ZC3H14: variants seen among roughly 807,000 people sequenced by gnomAD.
ZC3H14 encodes zinc finger CCCH domain-containing protein 14.
Under a neutral mutation model 92.4 loss-of-function variants are expected in ZC3H14, and 31 were observed. That is an observed-to-expected ratio of 0.34 (90% CI 0.25 to 0.45). The LOEUF (loss-of-function observed/expected upper bound fraction) is 0.45. Among genes scored for constraint, ZC3H14 ranks in the 20% least tolerant of loss-of-function variants. ZC3H14 has a pLI of 1.00. For missense variants in ZC3H14, 781 were observed against 897.3 expected (o/e 0.87, Z 1.66); for synonymous variants, 321 against 300.9 (o/e 1.07, Z -0.69).
At position 88,609,703 on chromosome 14, in the gene ZC3H14, T is replaced by C. The variant is rs1357148894; in HGVS notation, c.2006-9T>C. On this transcript the variant is annotated splice_polypyrimidine_tract_variant and intron_variant, in intron 14 of 16. Coordinates refer to ENST00000251038, the MANE Select transcript of ZC3H14 (RefSeq NM_024824.5). ...GATTGGAGATCAGTCCTGGTTTTTATTTTGTTAGCAGTTGCACCACCAGCA... is the reference window on the plus strand; with the variant it reads ...GATTGGAGATCAGTCCTGGTTTTTACTTTGTTAGCAGTTGCACCACCAGCA... The C allele has an allele frequency of 6.2e-7, 1 of 1,614,154 alleles. No homozygotes were observed. Among genetic ancestry groups the C allele is most frequent in the South Asian group, 1.1e-5 (1 of 91,090 alleles).
At position 88,622,655 on chromosome 14, in the gene ZC3H14, C is replaced by G. The variant is rs1459386697; in HGVS notation, c.*10904C>G. Reference sequence around the variant, plus strand: ...AATCTGTGGCTTGTCCTGTCTCAAGCCTGAAGGCACGGCACCGCCTCAGTT... The same window carrying G: ...AATCTGTGGCTTGTCCTGTCTCAAGGCTGAAGGCACGGCACCGCCTCAGTT... On this transcript the variant is annotated 3_prime_UTR_variant, in exon 17 of 17. Coordinates refer to ENST00000251038, the MANE Select transcript of ZC3H14 (RefSeq NM_024824.5). 6.2e-7 allele frequency: 1 copy of G among 1,611,700 alleles called. No individual in the cohort carries two copies. Among genetic ancestry groups the G allele is most frequent in the Non-Finnish European group, 8.5e-7 (1 of 1,178,840 alleles).
intron 15 of ZC3H14, 81 bp downstream of exon 15, chr14:88,609,884 T>C: frequency 6.9e-7 from 1 of 1,440,932 alleles, no homozygotes; most frequent in South Asian, 1.2e-5. Context: ...TCAGAGTTAC[T>C]ACATTGGTGC....
At chr14:88,564,835 A>G (rs1417514290) in intron 2 of ZC3H14, among the ~76,000 whole-genome samples, 2 of 152,240 alleles carry the variant, frequency 1.3e-5, no homozygotes, top group South Asian at 2.1e-4. Context: ...TTTTTATTGT[A>G]TACTGAAATA....
At chr14:88,603,860 C>A (rs1162300250) in intron 12 of ZC3H14, among the ~76,000 whole-genome samples, 1 of 152,124 alleles carries the variant, frequency 6.6e-6, no homozygotes, top group African/African-American at 2.4e-5. Context: ...ATACCTTTCT[C>A]GATCATTAAA....
intron 10 of ZC3H14, among the ~76,000 whole-genome samples, chr14:88,599,997 C>T (rs909639473): frequency 1.3e-5 from 2 of 152,202 alleles, no homozygotes; most frequent in Non-Finnish European, 2.9e-5. Context: ...ACTTCTGTCA[C>T]CTTCGGTTTT....
At chr14:88,596,418 G>A (rs2083828179) in intron 9 of ZC3H14, among the ~76,000 whole-genome samples, 1 of 152,278 alleles carries the variant, frequency 6.6e-6, no homozygotes, top group Non-Finnish European at 1.5e-5. Flanking sequence ...GGGCCACAAG[G>A]TGCCTTTTCC....
chr14:88,605,000 T>C (rs1440003105), intron 12 of ZC3H14, among the ~76,000 whole-genome samples: 1 of 152,264 alleles, frequency 6.6e-6, no homozygotes, highest in East Asian at 1.9e-4. Context: ...ATGACCTTCG[T>C]ATGACTTAAT....
In ZC3H14 at chr14:88,563,873, C is replaced by T. The variant is rs186117839; in HGVS notation, c.79+180C>T. Among the ~76,000 whole-genome samples, 6 of 152,154 alleles carry T rather than the reference C, an allele frequency of 3.9e-5. No homozygotes were observed. In the East Asian group the frequency reaches 9.7e-4, roughly 25 times the overall value. On this transcript the variant is annotated intron_variant, in intron 2 of 16. Coordinates refer to ENST00000251038, the MANE Select transcript of ZC3H14 (RefSeq NM_024824.5). ...CTTTTTGCAACCTTGTTTTTTTTCTCCCAAACCTCCTTCTGTTATGGTGTT... is the reference window on the plus strand; with the variant it reads ...CTTTTTGCAACCTTGTTTTTTTTCTTCCAAACCTCCTTCTGTTATGGTGTT...
chr14:88,593,590 A>G (rs148583460), intron 9 of ZC3H14, among the ~76,000 whole-genome samples: 156 of 152,310 alleles, frequency 1.0e-3, no homozygotes, highest in African/African-American at 3.1e-3. Context: ...CAACCCATCA[A>G]TTTTTGGCAG....
chr14:88,570,448 A>G (rs2080240126), intron 3 of ZC3H14, among the ~76,000 whole-genome samples: 2 of 152,352 alleles, frequency 1.3e-5, no homozygotes, highest in South Asian at 2.1e-4. Flanking sequence ...ATAGAGTGAA[A>G]TGATATAGCA....
rs1595497923 is a variant in ZC3H14 at position 88,568,736 on chromosome 14, TG to T, written c.194+585del. ...TGCCTTGGTTTCTCTAGCTATAAAA[TG>T]GAAATAGTACAGCCACTTGCTTTAT... On this transcript the variant is annotated intron_variant, in intron 3 of 16. Transcript: ENST00000251038. 2.0e-5 allele frequency among the ~76,000 whole-genome samples: 3 copies of T among 152,164 alleles called. No individual in the cohort carries two copies. The East Asian group carries it at 5.8e-4, about 29-fold the overall frequency.
At chr14:88,570,992 C>A in intron 3 of ZC3H14, 92 bp from the exon 4 acceptor site, 1 of 1,009,492 alleles carries the variant, frequency 9.9e-7, no homozygotes, top group Non-Finnish European at 1.4e-6. Flanking sequence ...AAAAAATTAT[C>A]TCTGAATATA....
intron 13 of ZC3H14, chr14:88,608,995 T>A (rs2086090569): frequency 2.2e-6 from 1 of 446,570 alleles, no homozygotes; most frequent in Non-Finnish European, 4.1e-6. Flanking sequence ...ATACCTTTTT[T>A]ATTAAGTGGT....
intron 2 of ZC3H14, among the ~76,000 whole-genome samples, chr14:88,566,802 C>A (rs2079691648): frequency 6.6e-6 from 1 of 151,956 alleles, no homozygotes; most frequent in Non-Finnish European, 1.5e-5. Flanking sequence ...TGCCTGTAAT[C>A]CCAGCTACTC....
At chr14:88,609,691 T>G in intron 14 of ZC3H14, 21 bp from the exon 15 acceptor site, 1 of 1,613,620 alleles carries the variant, frequency 6.2e-7, no homozygotes, top group Non-Finnish European at 8.5e-7. Context: ...TGGAGATCAG[T>G]CCTGGTTTTT....
chr14:88,618,669 G>A lies in ZC3H14; in HGVS notation c.*6918G>A, dbSNP rs1361817045. On this transcript the variant is annotated 3_prime_UTR_variant, in exon 17 of 17. Coordinates refer to ENST00000251038, the MANE Select transcript of ZC3H14 (RefSeq NM_024824.5). ...CTGTACCTGGAGATAACTGCTATCT[G>A]CAGAGAAGTCCATTTGAATGACAAA... 3 of 1,612,844 alleles carry A rather than the reference G, an allele frequency of 1.9e-6. No individual in the cohort carries two copies. The highest frequency in any genetic ancestry group is 2.7e-5 in the African/African-American group (2 of 74,908).
chr14:88,621,191 T>C lies in ZC3H14; in HGVS notation c.*9440T>C, dbSNP rs953211705. 6.2e-7 allele frequency: 1 copy of C among 1,613,896 alleles called. No homozygotes were observed. The highest frequency in any genetic ancestry group is 1.3e-5 in the African/African-American group (1 of 74,930). ...AAAAATCCCTGGAAGGATGTGTTGC[T>C]AGTCCCCAGATTGGCCCATCCACAT... On this transcript the variant is annotated 3_prime_UTR_variant, in exon 17 of 17. Transcript: ENST00000251038.
intron 9 of ZC3H14, chr14:88,591,562 C>G (rs572975443): frequency 6.6e-6 from 1 of 152,112 alleles, no homozygotes; most frequent in Non-Finnish European, 1.5e-5. Context: ...ATGCTTGATA[C>G]ATTGTGTTGG....
In ZC3H14 at chr14:88,627,079, T is replaced by G. The variant is rs1048846035; in HGVS notation, c.*15328T>G. ...GATACAACAAAATTATCTAGGTTAT[T>G]ACAAGAACCAAGCTAATCAACAGCA... On this transcript the variant is annotated 3_prime_UTR_variant, in exon 17 of 17. Transcript: ENST00000251038. 15 of 1,603,192 alleles carry G rather than the reference T, an allele frequency of 9.4e-6. No homozygotes were observed. Among genetic ancestry groups the G allele is most frequent in the Non-Finnish European group, 1.3e-5 (15 of 1,171,610 alleles).
Sources: gnomAD v4.1 joint callset for allele counts (sites outside exome capture counted in the v4.1 genomes callset) on GRCh38, gnomAD v4.1.1 for gene constraint, MANE v1.5 for transcripts, NCBI Gene and HGNC (gene_info 2026-07-23, HGNC 2026-07-21) for gene names.